The following AKR1C8 variants were observed in gnomAD, a reference collection of about 807,000 sequenced individuals.
The protein encoded by AKR1C8 is aldo-keto reductase family 1 member C-like protein 1.
the AKR1C8 span, chr10:5,185,032 C>G: frequency 1.9e-6 from 1 of 534,706 alleles, no homozygotes; most frequent in Non-Finnish European, 3.8e-6. Context: ...GCATAAGTGC[C>G]AAATCCCAGC....
At chr10:5,121,565 AT>A in the AKR1C8 span, among the ~76,000 whole-genome samples, 1 of 152,102 alleles carries the variant, frequency 6.6e-6, no homozygotes, top group Admixed American at 6.6e-5. Context: ...TTAAGGAGAA[AT>A]GCCACTGGAC....
At chr10:5,123,098 C>T in the AKR1C8 span, among the ~76,000 whole-genome samples, 1 of 152,166 alleles carries the variant, frequency 6.6e-6, no homozygotes, top group Non-Finnish European at 1.5e-5. Context: ...ATTCTCTCCA[C>T]CCATGCTGCC....
At chr10:5,157,782 T>C in the AKR1C8 span, 1 of 471,010 alleles carries the variant, frequency 2.1e-6, no homozygotes, top group African/African-American at 2.0e-5. Context: ...CCAAGAGATG[T>C]GGGCAGTCGG....
the AKR1C8 span, among the ~76,000 whole-genome samples, chr10:5,146,023 A>T: frequency 6.6e-6 from 1 of 152,042 alleles, no homozygotes; most frequent in Non-Finnish European, 1.5e-5. Flanking sequence ...CAGCCATAAA[A>T]AATGATAAGT....
At chr10:5,169,689 G>C in the AKR1C8 span, among the ~76,000 whole-genome samples, 6 of 151,762 alleles carry the variant, frequency 4.0e-5, no homozygotes, top group Non-Finnish European at 8.8e-5. Context: ...ATTCCATCCT[G>C]AGGGTACTAC....
chr10:5,149,998 A>G, the AKR1C8 span, among the ~76,000 whole-genome samples: 1 of 152,172 alleles, frequency 6.6e-6, no homozygotes, highest in African/African-American at 2.4e-5. Context: ...AGAAAGAATC[A>G]GCAGTAATTT....
the AKR1C8 span, chr10:5,155,689 A>G: frequency 2.1e-6 from 1 of 473,006 alleles, no homozygotes; most frequent in Non-Finnish European, 4.4e-6. Context: ...GTAACTTGTC[A>G]TATCGGAGAT....
At chr10:5,178,679 A>G in the AKR1C8 span, among the ~76,000 whole-genome samples, 9 of 152,152 alleles carry the variant, frequency 5.9e-5, no homozygotes, top group Non-Finnish European at 1.3e-4. Context: ...TTGGATGCAT[A>G]TATATTTAGG....
At chr10:5,172,325 A>G in the AKR1C8 span, among the ~76,000 whole-genome samples, 1 of 152,090 alleles carries the variant, frequency 6.6e-6, no homozygotes, top group African/African-American at 2.4e-5. Context: ...CAACCAGTTA[A>G]TTTACTTTAG....
chr10:5,153,632 C>G, the AKR1C8 span, among the ~76,000 whole-genome samples: 1 of 152,100 alleles, frequency 6.6e-6, no homozygotes, highest in Non-Finnish European at 1.5e-5. Flanking sequence ...GGGGAGCAGA[C>G]GCGTCTTCAT....
chr10:5,177,789 G>T, the AKR1C8 span, among the ~76,000 whole-genome samples: 28 of 152,162 alleles, frequency 1.8e-4, no homozygotes, highest in African/African-American at 2.4e-5. Flanking sequence ...AGTATTCTCT[G>T]ATGGTAGTTT....
chr10:5,165,025 T>G, the AKR1C8 span, among the ~76,000 whole-genome samples: 1 of 152,178 alleles, frequency 6.6e-6, no homozygotes, highest in Non-Finnish European at 1.5e-5. Context: ...AGGAATGTAA[T>G]TCAAATAGGT....
the AKR1C8 span, among the ~76,000 whole-genome samples, chr10:5,129,172 T>C: frequency 6.6e-6 from 1 of 152,064 alleles, no homozygotes; most frequent in Non-Finnish European, 1.5e-5. Flanking sequence ...AATCTGCTCT[T>C]GAATGATTTT....
chr10:5,139,216 C>A, the AKR1C8 span, among the ~76,000 whole-genome samples: 1 of 152,108 alleles, frequency 6.6e-6, no homozygotes, highest in Non-Finnish European at 1.5e-5. Flanking sequence ...GTGAAAATGG[C>A]CATACTGCCC....
At chr10:5,183,717 T>C in the AKR1C8 span, among the ~76,000 whole-genome samples, 1 of 151,968 alleles carries the variant, frequency 6.6e-6, no homozygotes, top group Non-Finnish European at 1.5e-5. Context: ...ACAGTTAGAG[T>C]GAGTTCTTGG....
At chr10:5,168,564 G>A in the AKR1C8 span, among the ~76,000 whole-genome samples, 2 of 152,092 alleles carry the variant, frequency 1.3e-5, no homozygotes, top group Non-Finnish European at 2.9e-5. Context: ...ATACATGAAG[G>A]CTTTCCAAAA....
the AKR1C8 span, among the ~76,000 whole-genome samples, chr10:5,127,645 G>A: frequency 1.4e-5 from 2 of 146,860 alleles, no homozygotes; most frequent in East Asian, 4.1e-4. Context: ...CTTTAACCTG[G>A]GAGGAGGAGG....
At chr10:5,159,848 A>C in the AKR1C8 span, 1 of 488,410 alleles carries the variant, frequency 2.0e-6, no homozygotes, top group Non-Finnish European at 4.2e-6. Context: ...GAACAGCAAA[A>C]AGTCAGAGAA....
At chr10:5,147,444 C>T in the AKR1C8 span, among the ~76,000 whole-genome samples, 11 of 152,174 alleles carry the variant, frequency 7.2e-5, no homozygotes, top group East Asian at 1.9e-3. Context: ...GGTTATGAGC[C>T]TGTGAAGTCA....
Sources: gnomAD v4.1 joint callset for allele counts (sites outside exome capture counted in the v4.1 genomes callset) on GRCh38, gnomAD v4.1.1 for gene constraint, MANE v1.5 for transcripts, NCBI Gene and HGNC (gene_info 2026-07-23, HGNC 2026-07-21) for gene names.